Variants in HEATR5A observed in about 807,000 individuals in gnomAD.
The protein encoded by HEATR5A is HEAT repeat containing 5A, also known as HEAT repeat-containing protein 5A.
In HEATR5A, 178 loss-of-function variants were observed where a neutral mutation model predicts 218.8. The ratio of observed to expected loss-of-function variants is 0.81; its 90% CI spans 0.72 to 0.92. The LOEUF (loss-of-function observed/expected upper bound fraction) is 0.92. Ranked by LOEUF, HEATR5A falls within the 40% of genes least tolerant of loss-of-function variation. The probability of loss-of-function intolerance (pLI) is 0.00; values close to 1 mark genes in which losing one functional copy is unlikely to be tolerated. For missense variants in HEATR5A, 2,420 were observed against 2,418.9 expected (o/e 1.00, Z -0.01); for synonymous variants, 864 against 871.6 (o/e 0.99, Z 0.15).
chr14:31,337,695 CT>C (rs1900713357), intron 21 of HEATR5A, 81 bp from the exon 22 acceptor site: 1 of 1,210,404 alleles, frequency 8.3e-7, no homozygotes, highest in African/African-American at 1.5e-5. Flanking sequence ...CACTGGACCC[CT>C]TCCTGATTCT....
intron 13 of HEATR5A, among the ~76,000 whole-genome samples, chr14:31,364,965 C>A (rs929524911): frequency 6.6e-6 from 1 of 151,904 alleles, no homozygotes; most frequent in African/African-American, 2.4e-5. Context: ...ACCTCCGCCT[C>A]CCGAGTTTAA....
In HEATR5A at chr14:31,295,973, A is replaced by G. The variant is rs1182049494; in HGVS notation, c.5555T>C (p.Ile1852Thr). 6.2e-6 allele frequency: 10 copies of G among 1,613,480 alleles called. No individual in the cohort carries two copies. The highest frequency in any genetic ancestry group is 8.5e-6 in the Non-Finnish European group (10 of 1,179,488). The change falls in exon 34 of 36, where the codon ATC (isoleucine) becomes ACC (threonine). Residue 1852 changes from isoleucine (I) to threonine (T), a missense_variant. Coordinates refer to ENST00000543095, the MANE Select transcript of HEATR5A (RefSeq NM_015473.4). ...ILSTSPEVTT[I>T]PCLQKRCIDK... ...AATACAGCGCTTCTGAAGGCATGGGATGGTAGTTACTTCTGGACTGGTAGA... is the reference window on the plus strand; with the variant it reads ...AATACAGCGCTTCTGAAGGCATGGGGTGGTAGTTACTTCTGGACTGGTAGA...
intron 14 of HEATR5A, among the ~76,000 whole-genome samples, chr14:31,359,287 AGTGTGTGTGTGTGTGT>A (rs35338545): frequency 2.0e-5 from 1 of 50,448 alleles, no homozygotes; most frequent in Admixed American, 1.7e-4. Flanking sequence ...AAAGTGTAAG[AGTGTGTGTGTGTGTGT>A]GTGTGTGTGT....
Position 31,371,927 on chromosome 14 carries a change from C to T in HEATR5A, c.1862-18G>A. 2 of 1,311,964 alleles carry T rather than the reference C, an allele frequency of 1.5e-6. No individual in the cohort carries two copies. The highest frequency in any genetic ancestry group is 2.1e-6 in the Non-Finnish European group (2 of 940,978). 81.3% of individuals were successfully genotyped at this position (1,311,964 alleles called of 1,614,324 possible). A position where few individuals can be genotyped will look rare whatever the true frequency, so the allele number is the denominator to read the frequency against. On this transcript the variant is annotated intron_variant, in intron 12 of 35. Coordinates refer to ENST00000543095, the MANE Select transcript of HEATR5A (RefSeq NM_015473.4). ...CTTGATAGCTGAAAAGGAAAACAGA[C>T]TTTTACTTGGGCATACTGTAATCAA...
intron 16 of HEATR5A, among the ~76,000 whole-genome samples, chr14:31,354,099 G>A (rs553497898): frequency 2.0e-5 from 3 of 150,578 alleles, no homozygotes; most frequent in Admixed American, 1.3e-4. Flanking sequence ...GCGCCTGGCC[G>A]GCATTTTTTT....
intron 1 of HEATR5A, among the ~76,000 whole-genome samples, chr14:31,411,112 T>C (rs2031256078): frequency 6.6e-6 from 1 of 152,146 alleles, no homozygotes; most frequent in East Asian, 1.9e-4. Context: ...TAGTTTAATA[T>C]AAACAGTGGC....
At chr14:31,350,770 T>C in intron 16 of HEATR5A, 53 bp from the exon 17 acceptor site, 2 of 771,578 alleles carry the variant, frequency 2.6e-6, no homozygotes, top group Non-Finnish European at 2.2e-6. Flanking sequence ...TTTTGTTTGT[T>C]TGTTTGTTTG....
Position 31,381,558 on chromosome 14 carries a change from G to GAAAAAAA in HEATR5A, c.1597-987_1597-981dup, listed in dbSNP as rs142591545. On this transcript the variant is annotated intron_variant, in intron 10 of 35. Coordinates refer to ENST00000543095, the MANE Select transcript of HEATR5A (RefSeq NM_015473.4). ...AATAAAGAAAGACCATGTCTCCTTG[G>GAAAAAAA]AAAAAAAAAAAAAAAAAAAAAAAGG... 2.4e-4 allele frequency among the ~76,000 whole-genome samples: 13 copies of GAAAAAAA among 53,752 alleles called. No homozygotes were observed. The East Asian group carries it at 5.8e-3, about 24-fold the overall frequency. The allele number at this position is 53,752 out of a possible 152,430, so 35.3% of individuals were successfully genotyped here.
chr14:31,320,111 TATTTA>T (rs1900042031), intron 25 of HEATR5A: 1 of 223,478 alleles, frequency 4.5e-6, no homozygotes, highest in Non-Finnish European at 9.0e-6. Context: ...TTTATTTATT[TATTTA>T]TTTATTTAGA....
In HEATR5A at chr14:31,383,748, C is replaced by T; in HGVS notation, c.1369G>A (p.Val457Ile). The T allele has an allele frequency of 1.2e-6, 2 of 1,613,418 alleles. No individual in the cohort carries two copies. Among genetic ancestry groups the T allele is most frequent in the Non-Finnish European group, 1.7e-6 (2 of 1,179,646 alleles). Residue 457 changes from valine to isoleucine, a missense_variant, in exon 10 of 36, where the codon GTT becomes ATT. Physicochemically the swap from Val to Ile is conservative, Grantham distance 29. Coordinates refer to ENST00000543095, the MANE Select transcript of HEATR5A (RefSeq NM_015473.4). Reference protein sequence around the residue: ...STGLLDSILSVILHPSISVRL... With the variant: ...STGLLDSILSIILHPSISVRL... ...ACAGAAATGCTAGGATGAAGAATAA[C>T]TGACAAGATACTGTCAAGGAGACCT...
chr14:31,358,532 C>T (rs1333335985), intron 16 of HEATR5A, 105 bp downstream of exon 16: 2 of 999,376 alleles, frequency 2.0e-6, no homozygotes, highest in South Asian at 1.8e-5. Context: ...TTCACCTTCA[C>T]CTGTTATTTA....
intron 14 of HEATR5A, 101 bp downstream of exon 14, chr14:31,364,088 G>A: frequency 1.8e-6 from 1 of 554,134 alleles, no homozygotes; most frequent in Non-Finnish European, 3.2e-6. Flanking sequence ...CTAAATAACT[G>A]CCATTATAAT....
At chr14:31,372,106 C>G (rs184791350) in intron 12 of HEATR5A, among the ~76,000 whole-genome samples, 197 bp from the exon 13 acceptor site, 14 of 151,890 alleles carry the variant, frequency 9.2e-5, no homozygotes, top group Admixed American at 2.0e-4. Flanking sequence ...AACAACAACT[C>G]TCTAGGAGTA....
At chr14:31,381,013 C>T (rs2029956652) in intron 10 of HEATR5A, among the ~76,000 whole-genome samples, 1 of 152,190 alleles carries the variant, frequency 6.6e-6, no homozygotes, top group Admixed American at 6.5e-5. Context: ...CTTTGGGAGG[C>T]TGAGGCGGGT....
intron 9 of HEATR5A, among the ~76,000 whole-genome samples, chr14:31,386,207 G>C (rs965238466): frequency 1.3e-5 from 2 of 152,062 alleles, no homozygotes; most frequent in Non-Finnish European, 2.9e-5. Context: ...CTCTAAATGG[G>C]GGGTAGGGTG....
In HEATR5A at chr14:31,383,763, C is replaced by T. The variant is rs764014008; in HGVS notation, c.1354G>A (p.Asp452Asn). ...LLQDSSTGLL[D>N]SILSVILHPS... ...TGAAGAATAACTGACAAGATACTGT[C>T]AAGGAGACCTGGAAGGATAAACAAA... Residue 452 changes from aspartate (D) to asparagine (N), a missense_variant, in exon 10 of 36, where the codon GAC becomes AAC. Coordinates refer to ENST00000543095, the MANE Select transcript of HEATR5A (RefSeq NM_015473.4). The T allele has an allele frequency of 6.2e-7, 1 of 1,612,682 alleles. No individual in the cohort carries two copies. Among genetic ancestry groups the T allele is most frequent in the Admixed American group, 1.7e-5 (1 of 59,910 alleles).
intron 9 of HEATR5A, among the ~76,000 whole-genome samples, chr14:31,384,896 C>G (rs925403400): frequency 1.3e-5 from 2 of 152,082 alleles, no homozygotes; most frequent in Non-Finnish European, 2.9e-5. Flanking sequence ...CAAGGCTTCA[C>G]TAGGTCCTCA....
chr14:31,396,058 A>G (rs2030640786), intron 4 of HEATR5A, among the ~76,000 whole-genome samples: 1 of 152,190 alleles, frequency 6.6e-6, no homozygotes, highest in East Asian at 1.9e-4. Flanking sequence ...TTAAAAGTCA[A>G]GAAATAGTAG....
At chr14:31,313,592 G>A (rs1176391607) in intron 27 of HEATR5A, among the ~76,000 whole-genome samples, 1 of 152,084 alleles carries the variant, frequency 6.6e-6, no homozygotes, top group Non-Finnish European at 1.5e-5. Context: ...TCTATAAAAA[G>A]TGTACACAAA....
Sources: gnomAD v4.1 joint callset for allele counts (sites outside exome capture counted in the v4.1 genomes callset) on GRCh38, gnomAD v4.1.1 for gene constraint, MANE v1.5 for transcripts, NCBI Gene and HGNC (gene_info 2026-07-23, HGNC 2026-07-21) for gene names.